The following GYG1 variants were observed in gnomAD, a reference collection of about 807,000 sequenced individuals.
GYG1 encodes the protein glycogenin-1.
In GYG1, 44 loss-of-function variants were observed where a neutral mutation model predicts 41.9. The ratio of observed to expected loss-of-function variants is 1.05; its 90% CI spans 0.83 to 1.35. The LOEUF (loss-of-function observed/expected upper bound fraction) is 1.35, where lower values mean the gene tolerates loss of function less well. Among genes scored for constraint, GYG1 ranks in the 40% most tolerant of loss-of-function variants. GYG1 has a pLI of 0.00. For synonymous variants in GYG1, 141 were observed against 158.1 expected (o/e 0.89, Z 0.81); for missense variants, 429 against 418.9 (o/e 1.02, Z -0.21).
In GYG1 at chr3:148,994,201, G is replaced by C. The variant is rs148083274; in HGVS notation, c.67G>C (p.Gly23Arg). ...CTACGCCAAAGGTGCCCTGGTCCTG[G>C]GATCATCTCTGAAACAGCACAGGAC... ...DAYAKGALVL[G>R]SSLKQHRTTR... Residue 23 changes from glycine (G) to arginine (R), a missense_variant, in exon 2 of 8, where the codon GGA becomes CGA. Physicochemically the swap from Gly to Arg is moderately radical, Grantham distance 125. Coordinates refer to ENST00000345003, the MANE Select transcript of GYG1 (RefSeq NM_004130.4). The C allele has an allele frequency of 5.8e-5, 93 of 1,613,656 alleles. No homozygotes were observed. The highest frequency in any genetic ancestry group is 7.4e-5 in the Non-Finnish European group (87 of 1,179,744).
At position 148,991,547 on chromosome 3, in the gene GYG1, C is replaced by G; in HGVS notation, c.-94C>G. 6.7e-6 allele frequency: 10 copies of G among 1,492,168 alleles called. No individual in the cohort carries two copies. The South Asian group carries it at 1.2e-4, about 18-fold the overall frequency. The allele number at this position is 1,492,168 out of a possible 1,614,324, so 92.4% of individuals were successfully genotyped here. ...ACGGGGCAGACGCTCGGTTCCCCGC[C>G]GTGCCTCCTCGCTGGCCGCGCTCCC... On this transcript the variant is annotated 5_prime_UTR_variant, in exon 1 of 8. Coordinates refer to ENST00000345003, the MANE Select transcript of GYG1 (RefSeq NM_004130.4).
chr3:149,012,652 A>G (rs918271198), intron 5 of GYG1, among the ~76,000 whole-genome samples: 1 of 152,156 alleles, frequency 6.6e-6, no homozygotes, highest in African/African-American at 2.4e-5. Flanking sequence ...GATAAAGGAA[A>G]CAAACTAATA....
chr3:149,014,682 C>CT (rs1403216723), intron 5 of GYG1, among the ~76,000 whole-genome samples: 3 of 149,062 alleles, frequency 2.0e-5, no homozygotes, highest in East Asian at 1.9e-4. Context: ...CCTGACACTA[C>CT]TAAAAAAAAA....
chr3:148,994,691 T>C (rs1712689421), intron 2 of GYG1, among the ~76,000 whole-genome samples: 1 of 152,230 alleles, frequency 6.6e-6, no homozygotes, highest in Middle Eastern at 3.2e-3. Context: ...AGGGAAACTC[T>C]CAGGTGACTT....
intron 6 of GYG1, among the ~76,000 whole-genome samples, chr3:149,025,471 T>C (rs1270816645): frequency 6.6e-6 from 1 of 152,158 alleles, no homozygotes; most frequent in Non-Finnish European, 1.5e-5. Context: ...GTCCGTGGCC[T>C]GGGGGTTGGG....
At position 149,026,514 on chromosome 3, in the gene GYG1, T is replaced by G; in HGVS notation, c.879+12T>G. On this transcript the variant is annotated intron_variant, in intron 7 of 7. Coordinates refer to ENST00000345003, the MANE Select transcript of GYG1 (RefSeq NM_004130.4). ...GCTTCTGTAGAAAGGTATGCAGAACTTAAAGATTAACCCTAATTACTTTGT... is the reference window on the plus strand; with the variant it reads ...GCTTCTGTAGAAAGGTATGCAGAACGTAAAGATTAACCCTAATTACTTTGT... The G allele has an allele frequency of 6.4e-7, 1 of 1,552,136 alleles. No individual in the cohort carries two copies. The highest frequency in any genetic ancestry group is 8.9e-7 in the Non-Finnish European group (1 of 1,123,428).
chr3:149,019,392 C>T (rs547533402), intron 5 of GYG1, among the ~76,000 whole-genome samples: 1 of 152,204 alleles, frequency 6.6e-6, no homozygotes, highest in South Asian at 2.1e-4. Context: ...TGCAGTACTG[C>T]CCTCCACAGT....
rs1226640252 is a variant in GYG1 at position 149,030,785 on chromosome 3, G to C, written c.*3852G>C. The C allele has an allele frequency of 2.0e-5, 3 of 152,194 alleles. No individual in the cohort carries two copies. Among genetic ancestry groups the C allele is most frequent in the Non-Finnish European group, 4.4e-5 (3 of 68,046 alleles). The allele number at this position is 152,194 out of a possible 1,614,324, so 9.4% of individuals were successfully genotyped here. A position where few individuals can be genotyped will look rare whatever the true frequency, so the allele number is the denominator to read the frequency against. ...CTGCTACTGCCTCAAAAAGGGACCAGGAAGATTCTAGCTGGCTAATTCACT... is the reference window on the plus strand; with the variant it reads ...CTGCTACTGCCTCAAAAAGGGACCACGAAGATTCTAGCTGGCTAATTCACT... On this transcript the variant is annotated 3_prime_UTR_variant, in exon 8 of 8. Coordinates refer to ENST00000345003, the MANE Select transcript of GYG1 (RefSeq NM_004130.4).
At chr3:149,023,879 G>A (rs544665947) in intron 5 of GYG1, among the ~76,000 whole-genome samples, 174 bp from the exon 6 acceptor site, 1 of 136,482 alleles carries the variant, frequency 7.3e-6, no homozygotes, top group African/African-American at 2.7e-5. Context: ...GAGGCTAAGG[G>A]TGGGAAGTTA....
chr3:149,002,180 C>T (rs1272636013), intron 4 of GYG1, among the ~76,000 whole-genome samples: 1 of 152,090 alleles, frequency 6.6e-6, no homozygotes, highest in Non-Finnish European at 1.5e-5. Context: ...CTAATCTGGG[C>T]AAAATCCTAA....
At chr3:148,994,314 T>C (rs372647665) in intron 2 of GYG1, 37 bp downstream of exon 2, 12 of 1,607,460 alleles carry the variant, frequency 7.5e-6, no homozygotes, top group Non-Finnish European at 9.4e-6. Flanking sequence ...TCCAAGGGGC[T>C]CTGACATCCT....
At chr3:149,018,084 G>A (rs1714173054) in intron 5 of GYG1, among the ~76,000 whole-genome samples, 1 of 152,072 alleles carries the variant, frequency 6.6e-6, no homozygotes, top group Non-Finnish European at 1.5e-5. Context: ...TATGACGTTT[G>A]CCCTTACTTC....
intron 4 of GYG1, among the ~76,000 whole-genome samples, chr3:149,004,470 TA>T (rs1418803143): frequency 5.3e-5 from 8 of 152,218 alleles, no homozygotes; most frequent in Non-Finnish European, 1.0e-4. Context: ...AGGATATTGG[TA>T]ACACCATACA....
intron 5 of GYG1, among the ~76,000 whole-genome samples, chr3:149,020,541 T>C (rs1329982916): frequency 2.6e-5 from 4 of 152,232 alleles, no homozygotes; most frequent in African/African-American, 7.2e-5. Flanking sequence ...ATTTTGGAGA[T>C]TAACTGAGTA....
chr3:149,011,935 G>A (rs941512136), intron 5 of GYG1, among the ~76,000 whole-genome samples: 2 of 152,108 alleles, frequency 1.3e-5, no homozygotes, highest in Non-Finnish European at 2.9e-5. Context: ...TCAGCTCTAC[G>A]TTTCTGTGAT....
intron 2 of GYG1, among the ~76,000 whole-genome samples, chr3:148,995,858 C>T (rs1033279210): frequency 1.1e-4 from 17 of 152,170 alleles, no homozygotes; most frequent in Admixed American, 9.8e-4. Context: ...TGTTGTACCT[C>T]ACAAACCAAC....
At chr3:149,010,726 TTG>T (rs984084832) in intron 5 of GYG1, among the ~76,000 whole-genome samples, 12 of 152,194 alleles carry the variant, frequency 7.9e-5, no homozygotes, top group African/African-American at 2.9e-4. Flanking sequence ...TCTGACTCAT[TTG>T]TGTTTAACTA....
intron 5 of GYG1, among the ~76,000 whole-genome samples, chr3:149,017,936 A>G (rs560817790): frequency 4.6e-5 from 7 of 152,028 alleles, no homozygotes; most frequent in African/African-American, 1.4e-4. Flanking sequence ...TAGCCATGCA[A>G]TGTAAATTCT....
At chr3:149,000,834 G>A (rs1713054819) in intron 4 of GYG1, 1 of 152,148 alleles carries the variant, frequency 6.6e-6, no homozygotes, top group Non-Finnish European at 1.5e-5. Context: ...ACATAGGAGA[G>A]AATAAATTAG....
Sources: allele counts gnomAD v4.1 joint callset (sites outside exome capture counted in the v4.1 genomes callset), GRCh38; gene constraint gnomAD v4.1.1; transcripts MANE v1.5; gene names NCBI Gene and HGNC (gene_info 2026-07-23, HGNC 2026-07-21).